Variants in RBFOX1 observed in about 807,000 individuals in gnomAD.
The protein encoded by RBFOX1 is RNA binding protein fox-1 homolog 1.
Under a neutral mutation model 57.7 loss-of-function variants are expected in RBFOX1, and 8 were observed. That is an observed-to-expected ratio of 0.14 (90% CI 0.08 to 0.25). The LOEUF is 0.25. RBFOX1 is among the 10% of genes least tolerant of loss of function. The probability of loss-of-function intolerance (pLI) is 1.00; values close to 1 mark genes in which losing one functional copy is unlikely to be tolerated. For missense variants in RBFOX1, 611 were observed against 548.5 expected (o/e 1.11, Z -1.14); for synonymous variants, 326 against 222.4 (o/e 1.47, Z -4.15).
At chr16:7,660,404 C>T (rs767159312) in intron 12 of RBFOX1, among the ~76,000 whole-genome samples, 7 of 152,288 alleles carry the variant, frequency 4.6e-5, no homozygotes, top group East Asian at 1.9e-4. Flanking sequence ...CTAACTGTTC[C>T]GTGGTTAATT....
chr16:5,281,838 G>A (rs959696323), intron 1 of RBFOX1, among the ~76,000 whole-genome samples: 1 of 152,152 alleles, frequency 6.6e-6, no homozygotes, highest in African/African-American at 2.4e-5. Flanking sequence ...TGAGTTTCTT[G>A]TAGATGTTGT....
chr16:7,013,085 A>G (rs1265493864), intron 3 of RBFOX1, among the ~76,000 whole-genome samples: 1 of 151,980 alleles, frequency 6.6e-6, no homozygotes, highest in Admixed American at 6.5e-5. Context: ...TACTTTTATG[A>G]TGTTATCTTC....
intron 4 of RBFOX1, among the ~76,000 whole-genome samples, chr16:7,276,745 C>G (rs1162145726): frequency 6.6e-6 from 1 of 152,134 alleles, no homozygotes; most frequent in African/African-American, 2.4e-5. Flanking sequence ...TTGTTCCCAC[C>G]TACGTTAAGA....
At chr16:5,903,371 C>G (rs1336345084) in intron 4 of RBFOX1, among the ~76,000 whole-genome samples, 1 of 152,154 alleles carries the variant, frequency 6.6e-6, no homozygotes, top group Non-Finnish European at 1.5e-5. Flanking sequence ...GCCTATTCTT[C>G]CTGACACTTC....
intron 2 of RBFOX1, among the ~76,000 whole-genome samples, chr16:6,521,378 A>G (rs1034741549): frequency 1.3e-5 from 2 of 150,976 alleles, no homozygotes; most frequent in African/African-American, 4.9e-5. Context: ...TTTTAATTAA[A>G]CCTTTCCTTC....
intron 2 of RBFOX1, among the ~76,000 whole-genome samples, chr16:6,652,013 C>T (rs1165519703): frequency 6.6e-6 from 1 of 152,168 alleles, no homozygotes; most frequent in South Asian, 2.1e-4. Flanking sequence ...GTTAAGTCCT[C>T]AATTGTATAA....
intron 5 of RBFOX1, among the ~76,000 whole-genome samples, chr16:7,559,317 G>C (rs2089703151): frequency 6.8e-6 from 1 of 146,968 alleles, no homozygotes; most frequent in South Asian, 2.1e-4. Context: ...CTTTCTCTCA[G>C]TCTCTCTCTT....
intron 4 of RBFOX1, among the ~76,000 whole-genome samples, chr16:7,149,493 T>A (rs2152269195): frequency 6.8e-6 from 1 of 146,340 alleles, no homozygotes; most frequent in Admixed American, 6.9e-5. Flanking sequence ...CTTTTTTTTT[T>A]TTTTTTTTTC....
chr16:5,298,918 C>A (rs74003855), intron 1 of RBFOX1, among the ~76,000 whole-genome samples: 2,156 of 107,436 alleles, frequency 0.02, 89 homozygotes, highest in African/African-American at 0.075. Context: ...GATAGGTGGA[C>A]TTGTGTGTTC....
intron 3 of RBFOX1, among the ~76,000 whole-genome samples, chr16:6,943,109 C>G (rs1197896353): frequency 1.3e-5 from 2 of 152,174 alleles, no homozygotes; most frequent in African/African-American, 2.4e-5. Context: ...GGGAGCCAAT[C>G]TGGGTATTCA....
At chr16:6,536,632 G>A (rs545635330) in intron 2 of RBFOX1, among the ~76,000 whole-genome samples, 13 of 152,046 alleles carry the variant, frequency 8.6e-5, no homozygotes, top group Non-Finnish European at 1.6e-4. Flanking sequence ...GCAAACAGAA[G>A]TGTTTCTTCA....
chr16:5,828,006 CCAT>C (rs2056133138), intron 3 of RBFOX1, among the ~76,000 whole-genome samples: 1 of 146,876 alleles, frequency 6.8e-6, no homozygotes, highest in African/African-American at 2.5e-5. Context: ...ATCCATCCAT[CCAT>C]CATCTATCTA....
chr16:7,004,656 G>C (rs1032908859), intron 3 of RBFOX1, among the ~76,000 whole-genome samples: 7 of 152,112 alleles, frequency 4.6e-5, no homozygotes, highest in African/African-American at 1.7e-4. Context: ...CCATTGTCTG[G>C]GCATTTTTTC....
intron 3 of RBFOX1, among the ~76,000 whole-genome samples, chr16:6,824,952 C>A (rs181886264): frequency 8.1e-6 from 1 of 122,998 alleles, no homozygotes; most frequent in East Asian, 2.3e-4. Context: ...CATCCTTCTA[C>A]ACTGAGGATT....
intron 3 of RBFOX1, among the ~76,000 whole-genome samples, chr16:5,681,830 C>T (rs180892371): frequency 4.1e-4 from 63 of 151,988 alleles, no homozygotes; most frequent in Non-Finnish European, 1.6e-4. Context: ...TATTAATATA[C>T]GGGAGTGGGG....
rs117621796 is a variant in RBFOX1 at position 7,622,942 on chromosome 16, G to A, written c.677-7661G>A. On this transcript the variant is annotated intron_variant, in intron 10 of 15. Transcript: ENST00000550418. ...TGGATTAGCTCAATGCTAGTCTTGC[G>A]TTCAAAAATGCATGACTGTAAAAGT... Among the ~76,000 whole-genome samples the A allele has an allele frequency of 5.3e-3, 808 of 152,222 alleles. 18 individuals are homozygous for A. Among genetic ancestry groups the A allele is most frequent in the East Asian group, 0.047 (244 of 5,180 alleles).
chr16:5,555,477 C>T (rs2045633547), intron 2 of RBFOX1, among the ~76,000 whole-genome samples: 2 of 151,896 alleles, frequency 1.3e-5, no homozygotes, highest in South Asian at 4.2e-4. Context: ...TCTTGAACTC[C>T]TGACCTCAGG....
chr16:6,970,737 T>G (rs1375791100), intron 3 of RBFOX1, among the ~76,000 whole-genome samples: 1 of 152,228 alleles, frequency 6.6e-6, no homozygotes, highest in African/African-American at 2.4e-5. Context: ...CATATGAATT[T>G]GTGGGGACAT....
intron 4 of RBFOX1, among the ~76,000 whole-genome samples, chr16:7,215,467 A>T (rs183399340): frequency 5.3e-5 from 8 of 152,160 alleles, no homozygotes; most frequent in East Asian, 3.9e-4. Context: ...GCACATATAC[A>T]CCATGGAATT....
Sources: gnomAD v4.1 joint callset for allele counts (sites outside exome capture counted in the v4.1 genomes callset) on GRCh38, gnomAD v4.1.1 for gene constraint, MANE v1.5 for transcripts, NCBI Gene and HGNC (gene_info 2026-07-23, HGNC 2026-07-21) for gene names.